TNPO3: variants seen among roughly 807,000 people sequenced by gnomAD.
The protein encoded by TNPO3 is transportin 3.
TNPO3 carries 65 observed loss-of-function variants against 122.8 expected under a neutral mutation model. The observed-to-expected ratio is 0.53, with a 90% CI of 0.43 to 0.65. The LOEUF (loss-of-function observed/expected upper bound fraction) is 0.65, where lower values mean the gene tolerates loss of function less well. TNPO3 is among the 30% of genes least tolerant of loss of function. The probability of loss-of-function intolerance (pLI) is 0.00; values close to 1 mark genes in which losing one functional copy is unlikely to be tolerated. For synonymous variants in TNPO3, 372 were observed against 411.2 expected, an observed-to-expected ratio of 0.90 and a Z score of 1.15; for missense variants, 850 against 1,136.7, an observed-to-expected ratio of 0.75 and a Z score of 3.63.
chr7:129,002,555 A>C (rs1279327339), intron 5 of TNPO3, among the ~76,000 whole-genome samples: 1 of 152,226 alleles, frequency 6.6e-6, no homozygotes, highest in Non-Finnish European at 1.5e-5. Flanking sequence ...AAAGATGCAA[A>C]TTATTTATTA....
intron 5 of TNPO3, among the ~76,000 whole-genome samples, chr7:129,001,801 A>G (rs1801982169): frequency 6.6e-6 from 1 of 152,220 alleles, no homozygotes; most frequent in Admixed American, 6.5e-5. Flanking sequence ...TCATGGTCGT[A>G]TCATTTCTAA....
At chr7:129,025,572 A>G (rs1805050475) in intron 1 of TNPO3, among the ~76,000 whole-genome samples, 1 of 151,810 alleles carries the variant, frequency 6.6e-6, no homozygotes, top group South Asian at 2.1e-4. Flanking sequence ...GTAAAGTTCT[A>G]TTTCTTTTCT....
At position 128,974,274 on chromosome 7, in the gene TNPO3, G is replaced by A. The variant is rs568851715; in HGVS notation, c.2273+594C>T. Among the ~76,000 whole-genome samples, 5 of 145,298 alleles carry A rather than the reference G, an allele frequency of 3.4e-5. No individual in the cohort carries two copies. The South Asian group carries it at 8.8e-4, about 26-fold the overall frequency. On this transcript the variant is annotated intron_variant, in intron 18 of 22. Transcript: ENST00000265388. Reference sequence around the variant, plus strand: ...ATAACAGTTGGGCTTTTGTTGTTTCGAAAATAATGATTTTTCTTTTTTTTT... The same window carrying A: ...ATAACAGTTGGGCTTTTGTTGTTTCAAAAATAATGATTTTTCTTTTTTTTT...
intron 21 of TNPO3, 134 bp downstream of exon 21, chr7:128,967,146 G>A: frequency 1.6e-6 from 1 of 620,710 alleles, no homozygotes; most frequent in South Asian, 1.9e-5. Flanking sequence ...CCACCAGATT[G>A]GCTTCCAATG....
At chr7:128,991,966 G>A in intron 10 of TNPO3, 33 bp downstream of exon 10, 1 of 1,437,796 alleles carries the variant, frequency 7.0e-7, no homozygotes, top group Non-Finnish European at 9.6e-7. Context: ...TTGATATTTA[G>A]AGTTCCCAGC....
At position 128,970,220 on chromosome 7, in the gene TNPO3, G is replaced by A. The variant is rs1340878885; in HGVS notation, c.2526C>T (p.Cys842=). Residue 842 remains cysteine (C), a synonymous_variant, in exon 20 of 23, where the codon TGC becomes TGT. Transcript: ENST00000265388. ...QLVSQLLHTC[C]FCLPPYTLPD... is the part of the protein sequence containing the mutation. ...GTAGGGTATAGGGGGGGAGGCAAAAGCAGCAGGTGTGCAGCAGCTGGCTGA... is the reference window on the plus strand; with the variant it reads ...GTAGGGTATAGGGGGGGAGGCAAAAACAGCAGGTGTGCAGCAGCTGGCTGA... 6.2e-7 allele frequency: 1 copy of A among 1,614,052 alleles called. No homozygotes were observed. Among genetic ancestry groups the A allele is most frequent in the East Asian group, 2.2e-5 (1 of 44,894 alleles).
intron 11 of TNPO3, among the ~76,000 whole-genome samples, chr7:128,987,424 T>C (rs1290276613): frequency 6.6e-6 from 1 of 152,228 alleles, no homozygotes; most frequent in African/African-American, 2.4e-5. Flanking sequence ...TTAGCACTTC[T>C]AGATGAATTA....
At chr7:129,043,807 C>A (rs550999093) in intron 1 of TNPO3, among the ~76,000 whole-genome samples, 4 of 152,208 alleles carry the variant, frequency 2.6e-5, no homozygotes, top group Non-Finnish European at 5.9e-5. Flanking sequence ...CTTATTTATA[C>A]TAGGCAGTCT....
intron 21 of TNPO3, among the ~76,000 whole-genome samples, chr7:128,966,895 T>G (rs1797975145): frequency 6.6e-6 from 1 of 152,230 alleles, no homozygotes; most frequent in South Asian, 2.1e-4. Context: ...TACATCACTT[T>G]CTGATGTTTT....
chr7:128,959,564 G>C (rs935092295), intron 21 of TNPO3, among the ~76,000 whole-genome samples: 1 of 152,192 alleles, frequency 6.6e-6, no homozygotes, highest in African/African-American at 2.4e-5. Context: ...AAACTGAAAT[G>C]CAAGTGTGGG....
intron 8 of TNPO3, among the ~76,000 whole-genome samples, chr7:128,994,649 C>A (rs1801114920): frequency 6.6e-6 from 1 of 151,860 alleles, no homozygotes. Context: ...TAACTTCACA[C>A]AGAAAATATA....
chr7:128,975,019 A>T, intron 17 of TNPO3, 57 bp from the exon 18 acceptor site: 1 of 1,334,872 alleles, frequency 7.5e-7, no homozygotes, highest in Non-Finnish European at 1.1e-6. Flanking sequence ...CACAGCATTC[A>T]GACTTGCCAA....
intron 1 of TNPO3, among the ~76,000 whole-genome samples, chr7:129,042,981 C>T (rs560110762): frequency 1.3e-5 from 2 of 152,098 alleles, no homozygotes; most frequent in African/African-American, 4.8e-5. Flanking sequence ...CAAAAAAGTT[C>T]CCTTATAGAG....
intron 8 of TNPO3, among the ~76,000 whole-genome samples, chr7:128,995,744 G>A (rs1801242593): frequency 1.3e-5 from 2 of 152,088 alleles, no homozygotes; most frequent in Admixed American, 1.3e-4. Context: ...TACTGCCCAG[G>A]CTGGAGTGCA....
chr7:129,056,023 C>T (rs1809423310), upstream of TNPO3: 3 of 1,090,798 alleles, frequency 2.8e-6, no homozygotes, highest in Non-Finnish European at 4.2e-6. Flanking sequence ...AGCGCCATGG[C>T]GCCCTCCAGG....
Position 128,970,196 on chromosome 7 carries a change from T to C in TNPO3, c.2550A>G (p.Leu850=), listed in dbSNP as rs1355775595. ...CCCAGAGCACTTCAGCCACATCTGGTAGGGTATAGGGGGGGAGGCAAAAGC... is the reference window on the plus strand; with the variant it reads ...CCCAGAGCACTTCAGCCACATCTGGCAGGGTATAGGGGGGGAGGCAAAAGC... ...TCCFCLPPYT[L]PDVAEVLWEI... is the part of the protein sequence containing the mutation. The change falls in exon 20 of 23, where the codon CTA becomes CTG. Residue 850 remains leucine (L), a synonymous_variant. Coordinates refer to ENST00000265388, the MANE Select transcript of TNPO3 (RefSeq NM_012470.4). 4 of 1,614,068 alleles carry C rather than the reference T, an allele frequency of 2.5e-6. No homozygotes were observed. The highest frequency in any genetic ancestry group is 3.4e-6 in the Non-Finnish European group (4 of 1,179,998).
chr7:128,965,696 G>A (rs921405066), intron 21 of TNPO3, among the ~76,000 whole-genome samples: 1 of 152,176 alleles, frequency 6.6e-6, no homozygotes, highest in African/African-American at 2.4e-5. Flanking sequence ...GCCATCAACA[G>A]ATGAAAGGAT....
chr7:129,034,298 A>C (rs1182694283), intron 1 of TNPO3, among the ~76,000 whole-genome samples: 2 of 152,116 alleles, frequency 1.3e-5, no homozygotes, highest in Non-Finnish European at 2.9e-5. Flanking sequence ...AGGCAGGAAG[A>C]CTGCTTGAGC....
intron 1 of TNPO3, among the ~76,000 whole-genome samples, chr7:129,054,083 GTT>G (rs1229248816): frequency 6.6e-6 from 1 of 152,152 alleles, no homozygotes; most frequent in Non-Finnish European, 1.5e-5. Context: ...CAGAATTACT[GTT>G]TTTTCTTCAT....
Sources: allele counts gnomAD v4.1 joint callset (sites outside exome capture counted in the v4.1 genomes callset), GRCh38; gene constraint gnomAD v4.1.1; transcripts MANE v1.5; gene names NCBI Gene and HGNC (gene_info 2026-07-23, HGNC 2026-07-21).